The following CCDC85A variants were observed in gnomAD, a reference collection of about 807,000 sequenced individuals.
The protein encoded by CCDC85A is coiled-coil domain containing 85A.
A neutral mutation model predicts 50.2 loss-of-function variants in CCDC85A; 38 were observed. That is an observed-to-expected ratio of 0.76 (90% CI 0.58 to 0.99). CCDC85A has a LOEUF of 0.99. Ranked by LOEUF, CCDC85A falls within the 50% of genes least tolerant of loss-of-function variation. The pLI is 0.00. For synonymous variants in CCDC85A, 366 were observed against 301.4 expected (o/e 1.21, Z -2.22); for missense variants, 820 against 742.0 (o/e 1.11, Z -1.22).
At chr2:56,383,892 C>A in intron 5 of CCDC85A, 1 of 363,380 alleles carries the variant, frequency 2.8e-6, no homozygotes. Flanking sequence ...TTTAAAAATG[C>A]AGTTGTCCAT....
intron 2 of CCDC85A, among the ~76,000 whole-genome samples, chr2:56,331,359 T>A (rs1481050648): frequency 6.6e-6 from 1 of 152,184 alleles, no homozygotes; most frequent in East Asian, 1.9e-4. Flanking sequence ...TATACCTATA[T>A]AAGCTCCACG....
At chr2:56,321,162 T>G (rs1054884031) in intron 2 of CCDC85A, among the ~76,000 whole-genome samples, 2 of 152,134 alleles carry the variant, frequency 1.3e-5, no homozygotes, top group Non-Finnish European at 2.9e-5. Flanking sequence ...GAGCTATTTA[T>G]GACAAACCCA....
Position 56,322,092 on chromosome 2 carries a change from G to A in CCDC85A, c.1241-20787G>A, listed in dbSNP as rs535796523. ...TGCTGGGAAAACTGGCTAGCCATAC[G>A]TAGAAAGCTGAAACTGGATCCCTTC... On this transcript the variant is annotated intron_variant, in intron 2 of 5. Coordinates refer to ENST00000407595, the MANE Select transcript of CCDC85A (RefSeq NM_001080433.2). Among the ~76,000 whole-genome samples the A allele has an allele frequency of 4.2e-4, 64 of 152,246 alleles. 1 individual carries two copies. In the South Asian group the frequency reaches 7.0e-3, roughly 17 times the overall value.
At chr2:56,355,288 T>G (rs1481129375) in intron 3 of CCDC85A, among the ~76,000 whole-genome samples, 1 of 152,196 alleles carries the variant, frequency 6.6e-6, no homozygotes, top group Non-Finnish European at 1.5e-5. Context: ...GGGTCTACTG[T>G]TAAGGCCAGG....
chr2:56,366,344 A>C (rs778030486), intron 3 of CCDC85A, among the ~76,000 whole-genome samples: 6 of 152,152 alleles, frequency 3.9e-5, no homozygotes, highest in Non-Finnish European at 5.9e-5. Flanking sequence ...TGTTTTCCAT[A>C]ATAGCTATAC....
chr2:56,269,020 T>C (rs1458441981), intron 2 of CCDC85A, among the ~76,000 whole-genome samples: 3 of 152,212 alleles, frequency 2.0e-5, no homozygotes, highest in African/African-American at 7.2e-5. Flanking sequence ...CACTTTTCCA[T>C]AGACTAGTTT....
chr2:56,196,547 C>T (rs1298893810), intron 2 of CCDC85A, among the ~76,000 whole-genome samples: 1 of 152,200 alleles, frequency 6.6e-6, no homozygotes, highest in Non-Finnish European at 1.5e-5. Context: ...ATGTTTCCTT[C>T]CACAACAAAA....
intron 2 of CCDC85A, among the ~76,000 whole-genome samples, chr2:56,310,354 T>A (rs1003834080): frequency 9.2e-5 from 14 of 152,176 alleles, no homozygotes; most frequent in African/African-American, 3.4e-4. Context: ...TAGCTCATAT[T>A]CTTGCAGGAA....
intron 2 of CCDC85A, among the ~76,000 whole-genome samples, chr2:56,207,457 G>C (rs1398059155): frequency 1.3e-5 from 2 of 152,152 alleles, no homozygotes; most frequent in African/African-American, 4.8e-5. Flanking sequence ...GTGTTACCCA[G>C]TGACACCAAA....
intron 2 of CCDC85A, among the ~76,000 whole-genome samples, chr2:56,328,377 A>T (rs1673583660): frequency 6.6e-6 from 1 of 152,104 alleles, no homozygotes. Flanking sequence ...AAGGCTGGGG[A>T]CAAGGGGATA....
At chr2:56,277,173 A>G (rs1454460748) in intron 2 of CCDC85A, among the ~76,000 whole-genome samples, 1 of 152,200 alleles carries the variant, frequency 6.6e-6, no homozygotes, top group East Asian at 1.9e-4. Context: ...CCAAGTTGCC[A>G]ACTTCCTTGA....
At chr2:56,374,850 A>G (rs1676255463) in intron 4 of CCDC85A, among the ~76,000 whole-genome samples, 1 of 152,198 alleles carries the variant, frequency 6.6e-6, no homozygotes, top group Non-Finnish European at 1.5e-5. Context: ...ATGAATTCTC[A>G]TGATACACCT....
chr2:56,185,486 T>C (rs1339757867), intron 1 of CCDC85A, among the ~76,000 whole-genome samples: 1 of 152,150 alleles, frequency 6.6e-6, no homozygotes, highest in Non-Finnish European at 1.5e-5. Flanking sequence ...TCCTGTGCTT[T>C]CCCTCTCCCG....
At chr2:56,237,429 A>T (rs1006461951) in intron 2 of CCDC85A, among the ~76,000 whole-genome samples, 1 of 152,246 alleles carries the variant, frequency 6.6e-6, no homozygotes, top group South Asian at 2.1e-4. Context: ...AGAGATTCAG[A>T]AGATTTATAC....
intron 4 of CCDC85A, among the ~76,000 whole-genome samples, chr2:56,374,412 G>A (rs1020267799): frequency 3.3e-5 from 5 of 152,148 alleles, no homozygotes; most frequent in Non-Finnish European, 5.9e-5. Flanking sequence ...ATAACATTAA[G>A]TTAATAATAA....
At chr2:56,205,754 T>C (rs1184421779) in intron 2 of CCDC85A, among the ~76,000 whole-genome samples, 1 of 152,206 alleles carries the variant, frequency 6.6e-6, no homozygotes, top group Non-Finnish European at 1.5e-5. Context: ...ATTCAACAAA[T>C]ATTTATTGTG....
chr2:56,318,428 T>G (rs1260109124), intron 2 of CCDC85A, among the ~76,000 whole-genome samples: 1 of 152,126 alleles, frequency 6.6e-6, no homozygotes, highest in Non-Finnish European at 1.5e-5. Flanking sequence ...GTTAACAACT[T>G]AAATTGTCAT....
At chr2:56,216,377 G>A (rs1044019778) in intron 2 of CCDC85A, among the ~76,000 whole-genome samples, 5 of 151,474 alleles carry the variant, frequency 3.3e-5, no homozygotes, top group African/African-American at 1.2e-4. Context: ...TACCAACAAC[G>A]ACTATATATA....
At chr2:56,230,878 G>A (rs1051730360) in intron 2 of CCDC85A, among the ~76,000 whole-genome samples, 3 of 152,128 alleles carry the variant, frequency 2.0e-5, no homozygotes, top group African/African-American at 7.2e-5. Context: ...GAAATTAGAA[G>A]AATGAATTAT....
Sources: allele counts gnomAD v4.1 joint callset (sites outside exome capture counted in the v4.1 genomes callset), GRCh38; gene constraint gnomAD v4.1.1; transcripts MANE v1.5; gene names NCBI Gene and HGNC (gene_info 2026-07-23, HGNC 2026-07-21).